The following SDK1 variants were observed in gnomAD, a reference collection of about 807,000 sequenced individuals.
SDK1 encodes the protein sidekick cell adhesion molecule 1.
Under a neutral mutation model 245.5 loss-of-function variants are expected in SDK1, and 157 were observed. That is an observed-to-expected ratio of 0.64 (90% CI 0.56 to 0.73). The LOEUF (loss-of-function observed/expected upper bound fraction) is 0.73. Among genes scored for constraint, SDK1 ranks in the 30% least tolerant of loss-of-function variants. The pLI, the probability that SDK1 is intolerant of heterozygous loss-of-function variation, is 0.00. For synonymous variants in SDK1, 1,647 were observed against 1,278.5 expected, an observed-to-expected ratio of 1.29 and a Z score of -6.15; for missense variants, 3,583 against 3,002.3, an observed-to-expected ratio of 1.19 and a Z score of -4.52.
At chr7:3,711,766 T>C (rs1365998505) in intron 4 of SDK1, among the ~76,000 whole-genome samples, 2 of 152,020 alleles carry the variant, frequency 1.3e-5, no homozygotes, top group Non-Finnish European at 2.9e-5. Context: ...CTGGAGGCCA[T>C]TGAGGTTCTT....
At chr7:3,482,896 T>A (rs1021301757) in intron 1 of SDK1, among the ~76,000 whole-genome samples, 1 of 152,200 alleles carries the variant, frequency 6.6e-6, no homozygotes, top group African/African-American at 2.4e-5. Flanking sequence ...GCCTGACACG[T>A]AATAAGTGCT....
At chr7:3,607,726 G>A (rs181751082) in intron 1 of SDK1, among the ~76,000 whole-genome samples, 6 of 152,364 alleles carry the variant, frequency 3.9e-5, no homozygotes, top group East Asian at 3.9e-4. Context: ...AAAAGTAAAT[G>A]TGTTGTGGAT....
intron 22 of SDK1, among the ~76,000 whole-genome samples, chr7:4,102,764 C>A (rs1212436168): frequency 1.3e-5 from 2 of 152,096 alleles, no homozygotes; most frequent in South Asian, 2.1e-4. Context: ...GGCGCCAAAC[C>A]CCGGCCAGAC....
chr7:3,572,321 G>C (rs1780142414), intron 1 of SDK1, among the ~76,000 whole-genome samples: 2 of 151,988 alleles, frequency 1.3e-5, no homozygotes, highest in Non-Finnish European at 2.9e-5. Flanking sequence ...GGCAGTTCTA[G>C]GCAAAAACGC....
At chr7:3,322,380 A>G (rs182484096) in intron 1 of SDK1, among the ~76,000 whole-genome samples, 37 of 152,308 alleles carry the variant, frequency 2.4e-4, no homozygotes, top group Non-Finnish European at 4.7e-4. Context: ...TTATCCATTC[A>G]TCTGTTAATG....
intron 5 of SDK1, among the ~76,000 whole-genome samples, chr7:3,832,004 T>TC (rs1405760266): frequency 6.6e-6 from 1 of 152,028 alleles, no homozygotes; most frequent in Non-Finnish European, 1.5e-5. Context: ...TGAGCTGAGA[T>TC]CACACCACTG....
intron 40 of SDK1, among the ~76,000 whole-genome samples, chr7:4,230,198 G>A (rs1032307498): frequency 6.7e-6 from 1 of 149,822 alleles, no homozygotes; most frequent in African/African-American, 2.5e-5. Context: ...TTGATGGGTA[G>A]GTAGATGAGT....
intron 28 of SDK1, among the ~76,000 whole-genome samples, chr7:4,143,782 C>G (rs1057282048): frequency 6.6e-6 from 1 of 152,200 alleles, no homozygotes; most frequent in Non-Finnish European, 1.5e-5. Context: ...GGCTCCAGCC[C>G]GACTCTCTCG....
At chr7:3,553,356 G>T (rs143269820) in intron 1 of SDK1, among the ~76,000 whole-genome samples, 379 of 152,210 alleles carry the variant, frequency 2.5e-3, no homozygotes, top group African/African-American at 8.9e-3. Context: ...GCACAGACCT[G>T]TTTCTCCCAC....
chr7:3,522,674 G>A (rs934078625), intron 1 of SDK1, among the ~76,000 whole-genome samples: 9 of 152,288 alleles, frequency 5.9e-5, no homozygotes, highest in African/African-American at 2.2e-4. Flanking sequence ...AACTGCCAGA[G>A]GCTGGGGGGA....
intron 5 of SDK1, among the ~76,000 whole-genome samples, chr7:3,857,686 C>CA (rs76491789): frequency 0.38 from 53,243 of 138,402 alleles, 10,679 homozygotes; most frequent in East Asian, 0.6. Context: ...GACCCTGTCT[C>CA]AAAAAAAAAA....
intron 4 of SDK1, among the ~76,000 whole-genome samples, chr7:3,756,318 G>A (rs1022543909): frequency 6.0e-5 from 9 of 150,496 alleles, no homozygotes; most frequent in Non-Finnish European, 1.2e-4. Context: ...CTTTCACATG[G>A]CATAGCACGT....
At chr7:4,247,353 A>G (rs1786948256) in intron 44 of SDK1, among the ~76,000 whole-genome samples, 1 of 152,192 alleles carries the variant, frequency 6.6e-6, no homozygotes, top group Non-Finnish European at 1.5e-5. Flanking sequence ...TGTCCGCACC[A>G]TAGCCTTGGG....
chr7:3,565,492 G>A (rs534585446), intron 1 of SDK1, among the ~76,000 whole-genome samples: 1 of 152,186 alleles, frequency 6.6e-6, no homozygotes. Flanking sequence ...TAAAGGAATA[G>A]ATAAAATTGT....
intron 1 of SDK1, among the ~76,000 whole-genome samples, chr7:3,324,818 C>T (rs1466461485): frequency 6.6e-6 from 1 of 152,060 alleles, no homozygotes; most frequent in Non-Finnish European, 1.5e-5. Flanking sequence ...TAAACCTATG[C>T]CCAGGAAAAA....
chr7:3,525,840 CTTAT>C (rs1354636798), intron 1 of SDK1, among the ~76,000 whole-genome samples: 2 of 152,098 alleles, frequency 1.3e-5, no homozygotes, highest in Non-Finnish European at 2.9e-5. Context: ...AATAATTTGT[CTTAT>C]TTAATTTTGT....
chr7:3,439,159 T>G (rs1370370835), intron 1 of SDK1, among the ~76,000 whole-genome samples: 1 of 152,134 alleles, frequency 6.6e-6, no homozygotes, highest in Admixed American at 6.6e-5. Context: ...GGCCCCCCTT[T>G]CTATTAATTA....
chr7:3,331,221 A>G (rs556646757), intron 1 of SDK1, among the ~76,000 whole-genome samples: 116 of 152,220 alleles, frequency 7.6e-4, no homozygotes, highest in Non-Finnish European at 7.6e-4. Flanking sequence ...CCGAGATTGC[A>G]CCACTGCACT....
chr7:3,415,828 G>T (rs769966641), intron 1 of SDK1, among the ~76,000 whole-genome samples: 19 of 151,990 alleles, frequency 1.3e-4, no homozygotes, highest in Non-Finnish European at 2.2e-4. Flanking sequence ...TAGCACTTAA[G>T]TGTGAACACA....
Sources: allele counts gnomAD v4.1 joint callset (sites outside exome capture counted in the v4.1 genomes callset), GRCh38; gene constraint gnomAD v4.1.1; transcripts MANE v1.5; gene names NCBI Gene and HGNC (gene_info 2026-07-23, HGNC 2026-07-21).